The following MERTK variants were observed in gnomAD, a reference collection of about 807,000 sequenced individuals.
The protein encoded by MERTK is MER proto-oncogene, tyrosine kinase.
MERTK carries 69 observed loss-of-function variants against 99.3 expected under a neutral mutation model. The observed-to-expected ratio is 0.70, with a 90% confidence interval of 0.57 to 0.85. The LOEUF (loss-of-function observed/expected upper bound fraction) is 0.85, where lower values mean the gene tolerates loss of function less well. MERTK is among the 40% of genes least tolerant of loss of function. The pLI is 0.00. For missense variants in MERTK, 1,125 were observed against 1,249.4 expected, an observed-to-expected ratio of 0.90 and a Z score of 1.50; for synonymous variants, 426 against 467.6, an observed-to-expected ratio of 0.91 and a Z score of 1.15.
At chr2:111,916,572 T>C (rs4264571) in intron 1 of MERTK, among the ~76,000 whole-genome samples, 31,668 of 152,122 alleles carry the variant, frequency 0.21, 3,986 homozygotes, top group Middle Eastern at 0.36. Context: ...AAAGATCTTC[T>C]ATTTCTTTAC....
chr2:111,903,124 A>G (rs1684076361), intron 1 of MERTK, among the ~76,000 whole-genome samples: 1 of 151,692 alleles, frequency 6.6e-6, no homozygotes, highest in Non-Finnish European at 1.5e-5. Flanking sequence ...CCCCACCACA[A>G]GGTAAGCTCC....
chr2:111,997,402 T>C lies in MERTK; in HGVS notation c.1530T>C (p.Cys510=). The C allele has an allele frequency of 3.7e-6, 6 of 1,614,144 alleles. No homozygotes were observed. The highest frequency in any genetic ancestry group is 5.1e-6 in the Non-Finnish European group (6 of 1,179,996). Residue 510 remains cysteine, a synonymous_variant, in exon 10 of 19, where the codon TGT becomes TGC. Transcript: ENST00000295408. ...TGCTCATCATCTTTGGCTGCTTTTG[T>C]GGATTTATTTTGATTGGGTTGATTT... ...DPVLIIFGCF[C]GFILIGLILY...
intron 1 of MERTK, among the ~76,000 whole-genome samples, chr2:111,917,416 C>G (rs923035821): frequency 6.6e-6 from 1 of 152,074 alleles, no homozygotes; most frequent in South Asian, 2.1e-4. Flanking sequence ...TGGAGTAGAG[C>G]AGTTTATTGT....
Position 111,994,377 on chromosome 2 carries a change from C to G in MERTK, c.1423C>G (p.Pro475Ala), listed in dbSNP as rs1160161657. 6.2e-6 allele frequency: 10 copies of G among 1,614,032 alleles called. No individual in the cohort carries two copies. The Admixed American group carries it at 1.3e-4, about 22-fold the overall frequency. ...AGGGGGAGTTGGGCCCTTCAGTGAT[C>G]CAGTGAAAATATTTATCCCTGCACA... ...TRGGVGPFSD[P>A]VKIFIPAHGW... Residue 475 changes from proline to alanine, a missense_variant, in exon 9 of 19, where the codon CCA (proline) becomes GCA (alanine). By Grantham distance (27) the Pro-to-Ala change is conservative. Transcript: ENST00000295408.
At chr2:111,946,193 G>C (rs1684958366) in intron 3 of MERTK, among the ~76,000 whole-genome samples, 1 of 152,106 alleles carries the variant, frequency 6.6e-6, no homozygotes, top group African/African-American at 2.4e-5. Flanking sequence ...CTCTTTCTCA[G>C]GGTTACGTCA....
chr2:111,915,281 T>G (rs1041002930), intron 1 of MERTK, among the ~76,000 whole-genome samples: 16 of 152,156 alleles, frequency 1.1e-4, no homozygotes, highest in Non-Finnish European at 1.8e-4. Context: ...TTTTTCTTTG[T>G]TGGTCTTGTT....
Position 111,913,124 on chromosome 2 carries a change from T to C in MERTK, c.61+14328T>C, listed in dbSNP as rs975199240. 6.2e-6 allele frequency: 6 copies of C among 967,548 alleles called. No homozygotes were observed. In the African/African-American group the frequency reaches 8.8e-5, roughly 14 times the overall value. The allele number at this position is 967,548 out of a possible 1,614,324, so 59.9% of individuals were successfully genotyped here. On this transcript the variant is annotated intron_variant, in intron 1 of 18. Transcript: ENST00000295408. The stretch of plus-strand genomic sequence containing the variant: ...TTTACCCAGTAGAAGATATTGAACA[T>C]AGATTTGTAACATTGCTTAAAGGAC...
chr2:112,019,341 C>A (rs932278685), intron 15 of MERTK, 72 bp from the exon 16 acceptor site: 4 of 1,093,812 alleles, frequency 3.7e-6, no homozygotes, highest in South Asian at 2.5e-5. Flanking sequence ...TCCTTTCCCC[C>A]CCCGGCAGAA....
At chr2:112,028,046 A>T (rs1371458077) in intron 18 of MERTK, among the ~76,000 whole-genome samples, 2 of 152,252 alleles carry the variant, frequency 1.3e-5, no homozygotes, top group African/African-American at 2.4e-5. Context: ...GATTTGGCTC[A>T]TGGGCCATAG....
rs554970335 is a variant in MERTK at position 111,934,230 on chromosome 2, A to G, written c.482+4690A>G. The stretch of plus-strand genomic sequence containing the variant: ...TAGAATGATTTCTAATCCTTTGGGT[A>G]TATACCCAGTAATGGGATTGCTGGG... On this transcript the variant is annotated intron_variant, in intron 2 of 18. Transcript: ENST00000295408. 2.0e-5 allele frequency among the ~76,000 whole-genome samples: 3 copies of G among 152,304 alleles called. No homozygotes were observed. In the South Asian group the frequency reaches 6.2e-4, roughly 32 times the overall value.
intron 3 of MERTK, among the ~76,000 whole-genome samples, chr2:111,945,808 T>C (rs559566669): frequency 6.6e-6 from 1 of 152,336 alleles, no homozygotes; most frequent in South Asian, 2.1e-4. Context: ...GCATCTTTAT[T>C]ATCACCCTCA....
intron 4 of MERTK, among the ~76,000 whole-genome samples, chr2:111,962,571 T>G (rs1685270288): frequency 6.6e-6 from 1 of 152,154 alleles, no homozygotes; most frequent in South Asian, 2.1e-4. Context: ...AATACAGTGA[T>G]TTCCCATAAA....
Position 111,959,294 on chromosome 2 carries a change from C to T in MERTK, c.758-5897C>T, listed in dbSNP as rs761503221. On this transcript the variant is annotated intron_variant, in intron 4 of 18. Coordinates refer to ENST00000295408, the MANE Select transcript of MERTK (RefSeq NM_006343.3). Reference sequence around the variant, plus strand: ...CTTTCTTAAAATCAATGCTTGACAACGTGCCCAAAGTCCAGTTACTTCGCC... The same window carrying T: ...CTTTCTTAAAATCAATGCTTGACAATGTGCCCAAAGTCCAGTTACTTCGCC... 3.3e-5 allele frequency among the ~76,000 whole-genome samples: 5 copies of T among 152,120 alleles called. No homozygotes were observed. The South Asian group carries it at 6.2e-4, about 19-fold the overall frequency.
intron 8 of MERTK, among the ~76,000 whole-genome samples, chr2:111,986,212 G>C (rs1047511639): frequency 3.3e-5 from 5 of 152,214 alleles, no homozygotes; most frequent in African/African-American, 1.2e-4. Context: ...CTGCTTAAAA[G>C]TCACAGCTGC....
At chr2:111,976,323 G>A (rs995594557) in intron 7 of MERTK, among the ~76,000 whole-genome samples, 9 of 152,166 alleles carry the variant, frequency 5.9e-5, no homozygotes, top group Admixed American at 4.6e-4. Context: ...GACCCCCTTT[G>A]TAATAAGGGT....
intron 18 of MERTK, among the ~76,000 whole-genome samples, chr2:112,027,450 C>G (rs1412601134): frequency 6.6e-6 from 1 of 152,048 alleles, no homozygotes; most frequent in Non-Finnish European, 1.5e-5. Context: ...TCATCTCAGC[C>G]TATTGATTCC....
At chr2:112,018,293 A>G (rs560144217) in intron 15 of MERTK, among the ~76,000 whole-genome samples, 1 of 152,208 alleles carries the variant, frequency 6.6e-6, no homozygotes, top group Non-Finnish European at 1.5e-5. Context: ...GCACAAATGA[A>G]TAGTACCTGA....
chr2:111,898,630 G>C lies in MERTK; in HGVS notation c.-106G>C, dbSNP rs1683969918. 1 of 1,380,780 alleles carries C rather than the reference G, an allele frequency of 7.2e-7. No individual in the cohort carries two copies. The highest frequency in any genetic ancestry group is 1.5e-5 in the African/African-American group (1 of 68,658). 85.5% of individuals were successfully genotyped at this position (1,380,780 alleles called of 1,614,324 possible). On this transcript the variant is annotated 5_prime_UTR_variant, in exon 1 of 19. Coordinates refer to ENST00000295408, the MANE Select transcript of MERTK (RefSeq NM_006343.3). ...CCACTCGGCACTCACTGCCCGGGCC[G>C]CCCGGACAGGGAGCTTCGCTGGCGC...
chr2:112,024,274 A>G (rs976635332), intron 18 of MERTK, among the ~76,000 whole-genome samples: 2 of 152,188 alleles, frequency 1.3e-5, no homozygotes, highest in Non-Finnish European at 2.9e-5. Flanking sequence ...CCACCAAAAT[A>G]AGTTGATATT....
Sources: allele counts gnomAD v4.1 joint callset (sites outside exome capture counted in the v4.1 genomes callset), GRCh38; gene constraint gnomAD v4.1.1; transcripts MANE v1.5; gene names NCBI Gene and HGNC (gene_info 2026-07-23, HGNC 2026-07-21).